Variants in EPS15 observed in about 807,000 individuals in gnomAD.
EPS15 encodes epidermal growth factor receptor pathway substrate 15, also known as epidermal growth factor receptor substrate 15.
In EPS15, 72 loss-of-function variants were observed where a neutral mutation model predicts 113.8. The ratio of observed to expected loss-of-function variants is 0.63; its 90% CI spans 0.52 to 0.77. The LOEUF (loss-of-function observed/expected upper bound fraction) is 0.77. Among genes scored for constraint, EPS15 ranks in the 30% least tolerant of loss-of-function variants. The probability of loss-of-function intolerance (pLI) is 0.00; values close to 1 mark genes in which losing one functional copy is unlikely to be tolerated. For synonymous variants in EPS15, 344 were observed against 363.4 expected (o/e 0.95, Z 0.61); for missense variants, 1,048 against 1,045.8 (o/e 1.00, Z -0.03).
chr1:51,382,712 C>T (rs1443056801), intron 21 of EPS15, among the ~76,000 whole-genome samples: 1 of 152,144 alleles, frequency 6.6e-6, no homozygotes, highest in Non-Finnish European at 1.5e-5. Context: ...AGCCACTGTG[C>T]CCGGCCACCA....
At position 51,445,008 on chromosome 1, in the gene EPS15, T is replaced by A; in HGVS notation, c.835A>T (p.Lys279Ter). Residue 279 changes from lysine to a stop codon, truncating the protein, a stop_gained, in exon 11 of 25, where the codon AAG (lysine) becomes TAG (stop). Coordinates refer to ENST00000371733, the MANE Select transcript of EPS15 (RefSeq NM_001981.3). LOFTEE classifies it high-confidence loss of function. ...CDTKDCGKLS[K>*]DQFALAFHLI... The stretch of plus-strand genomic sequence containing the variant: ...TGAAAAGCCAAGGCAAACTGATCCT[T>A]TGAAAGCTTCCCACAGTCCTTTGTG... 1.2e-6 allele frequency: 2 copies of A among 1,613,962 alleles called. No individual in the cohort carries two copies. Among genetic ancestry groups the A allele is most frequent in the Non-Finnish European group, 1.7e-6 (2 of 1,179,902 alleles).
intron 12 of EPS15, among the ~76,000 whole-genome samples, chr1:51,430,607 A>C (rs1222918105): frequency 6.6e-6 from 1 of 152,010 alleles, no homozygotes; most frequent in Non-Finnish European, 1.5e-5. Flanking sequence ...AGTTCACAAA[A>C]GCTTAGGTTA....
At chr1:51,440,205 G>T (rs556499832) in intron 12 of EPS15, 142 bp downstream of exon 12, 2 of 404,640 alleles carry the variant, frequency 4.9e-6, no homozygotes, top group South Asian at 1.7e-4. Context: ...ATATTAGGTA[G>T]CATTTATCAA....
chr1:51,420,855 C>T (rs1437238010), intron 13 of EPS15, among the ~76,000 whole-genome samples: 2 of 152,156 alleles, frequency 1.3e-5, no homozygotes, highest in Non-Finnish European at 2.9e-5. Context: ...GAATGTCCTG[C>T]ATCAAAACAA....
chr1:51,360,737 C>T (rs566519243), intron 24 of EPS15, among the ~76,000 whole-genome samples: 4 of 152,148 alleles, frequency 2.6e-5, no homozygotes, highest in African/African-American at 9.6e-5. Flanking sequence ...GACTGGTCTC[C>T]AGAAATCATT....
At chr1:51,467,336 A>AT (rs1411716074) in intron 5 of EPS15, among the ~76,000 whole-genome samples, 2 of 152,238 alleles carry the variant, frequency 1.3e-5, no homozygotes, top group Non-Finnish European at 2.9e-5. Context: ...TAACACATAT[A>AT]AATACATTCC....
intron 1 of EPS15, among the ~76,000 whole-genome samples, chr1:51,505,948 G>T (rs150925503): frequency 6.6e-6 from 1 of 151,952 alleles, no homozygotes; most frequent in Non-Finnish European, 1.5e-5. Flanking sequence ...TTACAATGGC[G>T]CAATCTTGGC....
At chr1:51,487,156 T>C (rs1644139581) in intron 1 of EPS15, among the ~76,000 whole-genome samples, 1 of 152,170 alleles carries the variant, frequency 6.6e-6, no homozygotes, top group African/African-American at 2.4e-5. Flanking sequence ...TGCAAAATAC[T>C]GCAATTTTAT....
chr1:51,474,927 C>T (rs1288693967), intron 2 of EPS15, among the ~76,000 whole-genome samples: 16 of 149,170 alleles, frequency 1.1e-4, no homozygotes, highest in African/African-American at 2.7e-4. Context: ...TGAGAACATG[C>T]GGTGTTTGGT....
intron 14 of EPS15, 31 bp from the exon 15 acceptor site, chr1:51,408,363 G>C (rs1649340236): frequency 6.8e-7 from 1 of 1,472,498 alleles, no homozygotes; most frequent in Non-Finnish European, 9.5e-7. Context: ...AGAAGAAATG[G>C]GGATTAAAAG....
intron 21 of EPS15, among the ~76,000 whole-genome samples, chr1:51,389,897 AATTT>A (rs1647213519): frequency 5.3e-5 from 8 of 152,262 alleles, no homozygotes; most frequent in Admixed American, 2.6e-4. Context: ...TGCCCAAGGT[AATTT>A]ATAGATTCAA....
chr1:51,417,303 C>G (rs910425454), intron 13 of EPS15, among the ~76,000 whole-genome samples: 2 of 152,112 alleles, frequency 1.3e-5, no homozygotes, highest in Non-Finnish European at 2.9e-5. Context: ...TGAACAATAT[C>G]AAGAAGTCTG....
intron 2 of EPS15, among the ~76,000 whole-genome samples, chr1:51,478,371 C>T (rs1643954767): frequency 6.6e-6 from 1 of 152,194 alleles, no homozygotes; most frequent in African/African-American, 2.4e-5. Context: ...GATGGGTCTC[C>T]TGAATACAGC....
intron 1 of EPS15, among the ~76,000 whole-genome samples, chr1:51,485,661 C>A (rs939192402): frequency 6.6e-6 from 1 of 152,182 alleles, no homozygotes; most frequent in Admixed American, 6.5e-5. Flanking sequence ...TTATTATCAA[C>A]AAAGTTTGCC....
At position 51,394,439 on chromosome 1, in the gene EPS15, C is replaced by T. The variant is rs1381392233; in HGVS notation, c.2061G>A (p.Thr687=). The T allele has an allele frequency of 1.5e-5, 24 of 1,600,026 alleles. No individual in the cohort carries two copies. Among genetic ancestry groups the T allele is most frequent in the African/African-American group, 1.1e-4 (8 of 74,734 alleles). Residue 687 remains threonine, a synonymous_variant, in exon 21 of 25, where the codon ACG becomes ACA. Coordinates refer to ENST00000371733, the MANE Select transcript of EPS15 (RefSeq NM_001981.3). ...GAGCAAAAGGATCATTGTGCTTCAA[C>T]GTTTCTACCTAAACAAAGCATACAA... ...ANNSSITSVE[T]LKHNDPFAPG... is the part of the protein sequence containing the mutation.
At chr1:51,383,589 C>T (rs187263321) in intron 21 of EPS15, among the ~76,000 whole-genome samples, 1 of 152,340 alleles carries the variant, frequency 6.6e-6, no homozygotes, top group East Asian at 1.9e-4. Context: ...TGCTGCTGAT[C>T]TGACAGGAAG....
intron 21 of EPS15, among the ~76,000 whole-genome samples, chr1:51,370,620 G>T (rs1646623838): frequency 1.3e-5 from 2 of 150,872 alleles, no homozygotes; most frequent in African/African-American, 4.9e-5. Context: ...TTGTTTGTTA[G>T]GCTGTTTTTT....
rs954472699 is a variant in EPS15, at chr1:51,474,074, T to C, written c.76-1126A>G. Among the ~76,000 whole-genome samples the C allele has an allele frequency of 4.6e-5, 7 of 152,242 alleles. No individual in the cohort carries two copies. The East Asian group carries it at 7.7e-4, about 17-fold the overall frequency. On this transcript the variant is annotated intron_variant, in intron 2 of 24. Coordinates refer to ENST00000371733, the MANE Select transcript of EPS15 (RefSeq NM_001981.3). Reference sequence around the variant, plus strand: ...AGGGGAAACATTGATCAAACTCTTATGAAATCATTATGTACTGTATCCCAA... The same window carrying C: ...AGGGGAAACATTGATCAAACTCTTACGAAATCATTATGTACTGTATCCCAA...
Position 51,406,105 on chromosome 1 carries a change from G to C in EPS15, c.1477C>G (p.Gln493Glu), listed in dbSNP as rs367628145. 2.5e-6 allele frequency: 4 copies of C among 1,612,164 alleles called. No individual in the cohort carries two copies. The highest frequency in any genetic ancestry group is 2.5e-6 in the Non-Finnish European group (3 of 1,179,204). Residue 493 changes from glutamine to glutamate, a missense_variant, in exon 16 of 25, where the codon CAA becomes GAA. Gln to Glu is a conservative substitution (Grantham distance 29, BLOSUM62 2). Coordinates refer to ENST00000371733, the MANE Select transcript of EPS15 (RefSeq NM_001981.3). ...TCTTTCATTTCCATCAGTTTCATTT[G>C]CATCTGCCAACACAAAGAAGAAATA... is the stretch of plus-strand genomic sequence containing the variant. The part of the protein sequence containing the change: ...QDSQQEISSM[Q>E]MKLMEMKDLE...
Sources: gnomAD v4.1 joint callset for allele counts (sites outside exome capture counted in the v4.1 genomes callset) on GRCh38, gnomAD v4.1.1 for gene constraint, MANE v1.5 for transcripts, NCBI Gene and HGNC (gene_info 2026-07-23, HGNC 2026-07-21) for gene names.